The following ARHGEF18 variants were observed in gnomAD, a reference collection of about 807,000 sequenced individuals.
ARHGEF18 encodes the protein rho guanine nucleotide exchange factor 18.
ARHGEF18 carries 93 observed loss-of-function variants against 155.7 expected under a neutral mutation model. The ratio of observed to expected loss-of-function variants is 0.60; its 90% CI spans 0.50 to 0.71. The LOEUF (loss-of-function observed/expected upper bound fraction) is 0.71. ARHGEF18 is among the 30% of genes least tolerant of loss of function. The pLI is 0.00. For synonymous variants in ARHGEF18, 742 were observed against 753.1 expected, an observed-to-expected ratio of 0.99 and a Z score of 0.24; for missense variants, 1,593 against 1,816.1, an observed-to-expected ratio of 0.88 and a Z score of 2.23.
Position 7,470,489 on chromosome 19 carries a change from G to A in ARHGEF18, c.*191G>A, listed in dbSNP as rs78575095. 1,628 of 460,764 alleles carry A rather than the reference G, an allele frequency of 3.5e-3. 33 individuals carry two copies. In the East Asian group the frequency reaches 0.041, roughly 12 times the overall value. The allele number at this position is 460,764 out of a possible 1,614,324, so 28.5% of individuals were successfully genotyped here. A position where few individuals can be genotyped will look rare whatever the true frequency, so the allele number is the denominator to read the frequency against. On this transcript the variant is annotated 3_prime_UTR_variant, in exon 29 of 29. Coordinates refer to ENST00000668164, the MANE Select transcript of ARHGEF18 (RefSeq NM_001367823.1). This position sits in a 1 kb window ranked among gnomAD's most constrained non-coding sequence, Gnocchi z 5.9. The stretch of plus-strand genomic sequence containing the variant: ...TGCAGCTGTTTCTGTAGGGTTAGCG[G>A]TGGTGCCGGGGTCACTTTCTGAATC...
At chr19:7,404,641 G>T (rs562127339) in intron 10 of ARHGEF18, among the ~76,000 whole-genome samples, 7 of 151,578 alleles carry the variant, frequency 4.6e-5, no homozygotes, top group Non-Finnish European at 1.0e-4. Context: ...TGTATTTTTA[G>T]TAGAGATGGG....
intron 19 of ARHGEF18, 138 bp downstream of exon 19, chr19:7,458,828 C>T (rs1976014375): frequency 2.9e-6 from 3 of 1,034,458 alleles, no homozygotes; most frequent in Admixed American, 6.0e-5. Flanking sequence ...CATTCCAGCT[C>T]CTTCTGATGA....
intron 19 of ARHGEF18, among the ~76,000 whole-genome samples, chr19:7,458,988 C>T (rs1394004286): frequency 6.6e-6 from 1 of 152,196 alleles, no homozygotes; most frequent in Non-Finnish European, 1.5e-5. Flanking sequence ...TCTTGTCCTT[C>T]CTCCTTGGGC....
At chr19:7,477,135 C>G (rs576748839), downstream of ARHGEF18, 1 of 1,351,478 alleles carries the variant, frequency 7.4e-7, no homozygotes, top group African/African-American at 1.5e-5. Context: ...CCTGCCCTGG[C>G]GGCTTCTGCT....
At chr19:7,407,162 C>T (rs1338617560) in intron 10 of ARHGEF18, among the ~76,000 whole-genome samples, 16 of 151,658 alleles carry the variant, frequency 1.1e-4, no homozygotes, top group Admixed American at 2.0e-4. Flanking sequence ...TGGTGGCTCA[C>T]GCTGGTAATC....
intron 27 of ARHGEF18, 135 bp downstream of exon 27, chr19:7,469,266 C>T (rs1465609991): frequency 1.8e-5 from 21 of 1,179,250 alleles, no homozygotes; most frequent in South Asian, 4.8e-5. Flanking sequence ...CAGCTGGCAT[C>T]GTGGCTGAGG....
At chr19:7,372,788 C>G in intron 2 of ARHGEF18, 24 bp from the exon 3 acceptor site, 4 of 1,234,422 alleles carry the variant, frequency 3.2e-6, no homozygotes, top group Middle Eastern at 2.1e-4. Flanking sequence ...TCTTCTTCTC[C>G]CTCCTCACCT....
intron 5 of ARHGEF18, 33 bp downstream of exon 5, chr19:7,376,790 C>T: frequency 6.6e-6 from 8 of 1,215,216 alleles, no homozygotes; most frequent in Middle Eastern, 2.1e-4. Flanking sequence ...TCATTCAAAC[C>T]AAGTCAGGGA....
At chr19:7,367,873 T>TATATATATACACATATATATATACAC in intron 2 of ARHGEF18, among the ~76,000 whole-genome samples, 1 of 39,150 alleles carries the variant, frequency 2.6e-5, no homozygotes, top group East Asian at 8.5e-4. Context: ...TATATTTTTA[T>TATATATATACACATATATATATACAC]ATATATATAT....
At chr19:7,374,719 T>C (rs1970353851) in intron 3 of ARHGEF18, among the ~76,000 whole-genome samples, 1 of 151,380 alleles carries the variant, frequency 6.6e-6, no homozygotes, top group African/African-American at 2.4e-5. Flanking sequence ...ATGCACACAC[T>C]GCAAGCACAC....
At chr19:7,432,739 A>G (rs1974034550) in intron 10 of ARHGEF18, among the ~76,000 whole-genome samples, 1 of 152,192 alleles carries the variant, frequency 6.6e-6, no homozygotes, top group Non-Finnish European at 1.5e-5. Flanking sequence ...TACAAGTGAG[A>G]GGCTATATAG....
In ARHGEF18 at chr19:7,440,018, G is replaced by C. The variant is rs772774822; in HGVS notation, c.968-326G>C. 187 of 1,550,448 alleles carry C rather than the reference G, an allele frequency of 1.2e-4. No homozygotes were observed. The highest frequency in any genetic ancestry group is 1.6e-4 in the Non-Finnish European group (181 of 1,146,806). Reference sequence around the variant, plus strand: ...ATACAGCAAGGGAAGACGCAGCTCTGTTTTCTAGAAGGATCCCACCGAGGC... The same window carrying C: ...ATACAGCAAGGGAAGACGCAGCTCTCTTTTCTAGAAGGATCCCACCGAGGC... On this transcript the variant is annotated intron_variant, in intron 10 of 28. Transcript: ENST00000668164. The surrounding 1 kb of genome is among the most constrained non-coding windows in gnomAD (Gnocchi z 5.4).
At chr19:7,431,747 G>A (rs1036095092) in intron 10 of ARHGEF18, among the ~76,000 whole-genome samples, 3 of 152,250 alleles carry the variant, frequency 2.0e-5, no homozygotes, top group African/African-American at 7.2e-5. Flanking sequence ...CCAGGAGGCG[G>A]AGGTTGCGGT....
intron 1 of ARHGEF18, among the ~76,000 whole-genome samples, chr19:7,350,875 C>T (rs1969141679): frequency 6.6e-6 from 1 of 151,810 alleles, no homozygotes; most frequent in African/African-American, 2.4e-5. Flanking sequence ...GCAATCTCAG[C>T]TCACTGCAAC....
chr19:7,427,207 A>AC (rs1188272972), intron 10 of ARHGEF18, among the ~76,000 whole-genome samples: 3 of 152,218 alleles, frequency 2.0e-5, no homozygotes, highest in African/African-American at 7.2e-5. Context: ...CCCCCAGTGA[A>AC]GAAATGAGTC....
At chr19:7,475,647 G>C (rs1599198526), downstream of ARHGEF18, among the ~76,000 whole-genome samples, 5 of 152,260 alleles carry the variant, frequency 3.3e-5, 1 homozygote, top group Admixed American at 3.3e-4. Context: ...GCTCCACATG[G>C]TCAGTGTCCA....
At chr19:7,457,844 C>T (rs192900385) in intron 18 of ARHGEF18, among the ~76,000 whole-genome samples, 6 of 152,072 alleles carry the variant, frequency 3.9e-5, no homozygotes, top group Admixed American at 2.0e-4. Context: ...CTAGAAATAC[C>T]GGTGGCTCTG....
downstream of ARHGEF18, chr19:7,476,986 G>T: frequency 2.4e-6 from 1 of 415,914 alleles, no homozygotes. Flanking sequence ...GGCAGGAGGT[G>T]CTGCTGAAGC....
At chr19:7,416,659 G>A (rs12461223) in intron 10 of ARHGEF18, among the ~76,000 whole-genome samples, 57,006 of 107,566 alleles carry the variant, frequency 0.53, 18,618 homozygotes, top group Middle Eastern at 0.74. Flanking sequence ...CTGGAGTGCA[G>A]TGGCACGATC....
Sources: gnomAD v4.1 joint callset for allele counts (sites outside exome capture counted in the v4.1 genomes callset) on GRCh38, gnomAD v4.1.1 for gene constraint, Gnocchi (gnomAD v3.1) non-coding constraint, MANE v1.5 for transcripts, NCBI Gene and HGNC (gene_info 2026-07-23, HGNC 2026-07-21) for gene names.